Variants in SORCS1 observed in about 807,000 individuals in gnomAD.
SORCS1 encodes the protein VPS10 domain-containing receptor SorCS1.
Under a neutral mutation model 146.1 loss-of-function variants are expected in SORCS1, and 60 were observed. The observed-to-expected ratio is 0.41, with a 90% CI of 0.33 to 0.51. The LOEUF (loss-of-function observed/expected upper bound fraction) is 0.51. Ranked by LOEUF, SORCS1 falls within the 20% of genes least tolerant of loss-of-function variation. The pLI is 0.21. For synonymous variants in SORCS1, 637 were observed against 584.0 expected, an observed-to-expected ratio of 1.09 and a Z score of -1.31; for missense variants, 1,352 against 1,487.6, an observed-to-expected ratio of 0.91 and a Z score of 1.50.
intron 2 of SORCS1, among the ~76,000 whole-genome samples, chr10:106,925,433 C>A (rs1005741558): frequency 1.3e-5 from 2 of 152,158 alleles, no homozygotes; most frequent in Non-Finnish European, 2.9e-5. Context: ...ACACTGACAC[C>A]CTGCTTAGCA....
intron 3 of SORCS1, among the ~76,000 whole-genome samples, chr10:106,815,806 T>C (rs1234302431): frequency 6.6e-6 from 1 of 152,180 alleles, no homozygotes; most frequent in African/African-American, 2.4e-5. Context: ...GCAGATCAAA[T>C]AATTAATTGC....
chr10:106,994,086 A>AAAAAAAAAAAAG lies in SORCS1; in HGVS notation c.559-37507_559-37506insCTTTTTTTTTTT, dbSNP rs1554908001. Among the ~76,000 whole-genome samples the AAAAAAAAAAAAG allele has an allele frequency of 1.7e-3, 231 of 134,966 alleles. 9 individuals are homozygous for AAAAAAAAAAAAG. The highest frequency in any genetic ancestry group is 7.5e-3 in the African/African-American group (213 of 28,358). The allele number at this position is 134,966 out of a possible 152,430, so 88.5% of individuals were successfully genotyped here. A position where few individuals can be genotyped will look rare whatever the true frequency, so the allele number is the denominator to read the frequency against. On this transcript the variant is annotated intron_variant, in intron 1 of 25. Transcript: ENST00000263054. The stretch of plus-strand genomic sequence containing the variant: ...CTCAAAAAAAAAAAAAAAAAAAAAA[A>AAAAAAAAAAAAG]AGAAAATGAGAAGCAAACAAATTCA...
chr10:106,933,023 C>T (rs529861737), intron 2 of SORCS1, among the ~76,000 whole-genome samples: 1 of 152,262 alleles, frequency 6.6e-6, no homozygotes, highest in South Asian at 2.1e-4. Flanking sequence ...TTATGATTTA[C>T]CTGGACAGCA....
At chr10:106,693,563 T>C (rs1021360162) in intron 9 of SORCS1, among the ~76,000 whole-genome samples, 5 of 152,258 alleles carry the variant, frequency 3.3e-5, no homozygotes. Flanking sequence ...ACGTATCATA[T>C]GATCTTCTAG....
intron 3 of SORCS1, among the ~76,000 whole-genome samples, chr10:106,818,616 G>A (rs111292502): frequency 1.2e-4 from 18 of 152,222 alleles, no homozygotes; most frequent in African/African-American, 3.1e-4. Flanking sequence ...CGCCTGCCTC[G>A]GCGGGATTAC....
At chr10:106,998,098 A>T (rs1428595367) in intron 1 of SORCS1, among the ~76,000 whole-genome samples, 2 of 152,238 alleles carry the variant, frequency 1.3e-5, no homozygotes, top group East Asian at 3.8e-4. Flanking sequence ...CCTTGTGCGA[A>T]TGTCAGGCCC....
rs753062590 is a variant in SORCS1 at position 106,956,521 on chromosome 10, C to G, written c.618G>C (p.Ser206=). The change falls in exon 2 of 26, where the codon TCG becomes TCC. Residue 206 remains serine (S), a synonymous_variant. Transcript: ENST00000263054. The part of the protein sequence containing the change: ...DYNLGSITES[S]LWRSTDYGTT... ...TCCATTTATCTACATACCTCCAAAG[C>G]GAGCTCTCTGTGATGCTCCCCAGGT... 5 of 1,613,874 alleles carry G rather than the reference C, an allele frequency of 3.1e-6. No homozygotes were observed. The highest frequency in any genetic ancestry group is 2.5e-6 in the Non-Finnish European group (3 of 1,179,924).
intron 2 of SORCS1, among the ~76,000 whole-genome samples, chr10:106,919,174 C>T (rs1041135611): frequency 6.6e-6 from 1 of 152,138 alleles, no homozygotes; most frequent in Non-Finnish European, 1.5e-5. Flanking sequence ...ACAGTACAGA[C>T]CACTTAAATA....
chr10:106,661,214 T>C (rs1360199011), intron 17 of SORCS1, among the ~76,000 whole-genome samples: 1 of 152,234 alleles, frequency 6.6e-6, no homozygotes, highest in Non-Finnish European at 1.5e-5. Flanking sequence ...TTTGGGGTTA[T>C]TTCGGCACTA....
chr10:106,652,567 A>C lies in SORCS1; in HGVS notation c.2304-14T>G, dbSNP rs1849953615. 5 of 1,609,734 alleles carry C rather than the reference A, an allele frequency of 3.1e-6. No individual in the cohort carries two copies. In the South Asian group the frequency reaches 5.5e-5, roughly 18 times the overall value. On this transcript the variant is annotated splice_polypyrimidine_tract_variant and intron_variant, in intron 17 of 25. Transcript: ENST00000263054. ...ACCTTCCTGTACCTAAATGGAAAAA[A>C]GCTCAAGTCGTAAACCAGCTCATTA...
chr10:107,021,615 G>T (rs1217195026), intron 1 of SORCS1, among the ~76,000 whole-genome samples: 1 of 148,836 alleles, frequency 6.7e-6, no homozygotes, highest in Non-Finnish European at 1.5e-5. Context: ...GTTTCTTTGT[G>T]ACCTTCTTGA....
intron 2 of SORCS1, among the ~76,000 whole-genome samples, chr10:106,892,395 G>A (rs1951271984): frequency 1.3e-5 from 2 of 152,308 alleles, no homozygotes; most frequent in South Asian, 4.1e-4. Flanking sequence ...TTCCATCACA[G>A]CATATTAACT....
intron 1 of SORCS1, among the ~76,000 whole-genome samples, chr10:107,082,337 C>T (rs1238369087): frequency 1.3e-5 from 2 of 152,060 alleles, no homozygotes; most frequent in African/African-American, 2.4e-5. Flanking sequence ...TTTTGCTTTG[C>T]TTTTAAAGTT....
intron 2 of SORCS1, among the ~76,000 whole-genome samples, chr10:106,938,449 T>C (rs147869868): frequency 1.3e-5 from 2 of 152,284 alleles, no homozygotes; most frequent in Non-Finnish European, 1.5e-5. Context: ...AAGTGGCAAA[T>C]TGATGGACCT....
intron 1 of SORCS1, among the ~76,000 whole-genome samples, chr10:107,144,924 G>GA (rs958728817): frequency 1.1e-4 from 17 of 151,832 alleles, no homozygotes; most frequent in Non-Finnish European, 1.9e-4. Context: ...TTAAAAAGGG[G>GA]AAAAAAAAGA....
chr10:107,131,024 C>G (rs1200632237), intron 1 of SORCS1, among the ~76,000 whole-genome samples: 1 of 152,164 alleles, frequency 6.6e-6, no homozygotes, highest in Admixed American at 6.5e-5. Flanking sequence ...TTCTGTATAA[C>G]TCATAGAAGT....
At chr10:107,024,463 A>G (rs1958305985) in intron 1 of SORCS1, among the ~76,000 whole-genome samples, 1 of 152,186 alleles carries the variant, frequency 6.6e-6, no homozygotes, top group African/African-American at 2.4e-5. Context: ...ATCTGCCCCC[A>G]TGATCCAGAT....
chr10:106,835,822 A>G (rs1261102087), intron 2 of SORCS1, among the ~76,000 whole-genome samples: 2 of 151,974 alleles, frequency 1.3e-5, no homozygotes, highest in African/African-American at 4.8e-5. Flanking sequence ...CCTGACCAAC[A>G]TATAGAAGCC....
chr10:106,929,986 C>T (rs1048330491), intron 2 of SORCS1, among the ~76,000 whole-genome samples: 3 of 152,196 alleles, frequency 2.0e-5, no homozygotes, highest in African/African-American at 7.2e-5. Context: ...GTGGCGCATG[C>T]CTGTAATCCC....
Sources: gnomAD v4.1 joint callset for allele counts (sites outside exome capture counted in the v4.1 genomes callset) on GRCh38, gnomAD v4.1.1 for gene constraint, MANE v1.5 for transcripts, NCBI Gene and HGNC (gene_info 2026-07-23, HGNC 2026-07-21) for gene names.